The following KDM4C variants were observed in gnomAD, a reference collection of about 807,000 sequenced individuals.
The protein encoded by KDM4C is lysine demethylase 4C.
A neutral mutation model predicts 129.3 loss-of-function variants in KDM4C; 81 were observed. The observed-to-expected ratio is 0.63, with a 90% CI of 0.52 to 0.75. The LOEUF is 0.75. Among genes scored for constraint, KDM4C ranks in the 30% least tolerant of loss-of-function variants. The pLI, the probability that KDM4C is intolerant of heterozygous loss-of-function variation, is 0.00. For missense variants in KDM4C, 1,457 were observed against 1,304.0 expected, an observed-to-expected ratio of 1.12 and a Z score of -1.81; for synonymous variants, 573 against 456.1, an observed-to-expected ratio of 1.26 and a Z score of -3.26.
chr9:7,100,633 C>G (rs1371435502), intron 17 of KDM4C, among the ~76,000 whole-genome samples: 5 of 152,228 alleles, frequency 3.3e-5, no homozygotes, highest in Non-Finnish European at 5.9e-5. Flanking sequence ...AGCCACCACT[C>G]TCAGCCTAAA....
intron 17 of KDM4C, among the ~76,000 whole-genome samples, chr9:7,065,529 C>G (rs1021406148): frequency 6.6e-6 from 1 of 152,018 alleles, no homozygotes; most frequent in Non-Finnish European, 1.5e-5. Flanking sequence ...TACTAAATAG[C>G]AGACATATTT....
At chr9:6,871,930 A>G (rs1390787173) in intron 5 of KDM4C, among the ~76,000 whole-genome samples, 1 of 152,210 alleles carries the variant, frequency 6.6e-6, no homozygotes, top group East Asian at 1.9e-4. Context: ...ATAATATACA[A>G]TTGAAGGGCT....
chr9:7,017,747 A>G (rs1405262264), intron 15 of KDM4C, among the ~76,000 whole-genome samples: 1 of 152,158 alleles, frequency 6.6e-6, no homozygotes, highest in Non-Finnish European at 1.5e-5. Flanking sequence ...TTCCTCAATG[A>G]TCTCTAATGA....
chr9:6,773,492 C>A (rs1450814662), intron 1 of KDM4C, among the ~76,000 whole-genome samples: 2 of 152,082 alleles, frequency 1.3e-5, no homozygotes, highest in Non-Finnish European at 2.9e-5. Flanking sequence ...TATTCATAGG[C>A]CAGGCGTGGT....
At chr9:6,908,901 G>T (rs1398722878) in intron 8 of KDM4C, among the ~76,000 whole-genome samples, 2 of 152,136 alleles carry the variant, frequency 1.3e-5, no homozygotes, top group Non-Finnish European at 2.9e-5. Context: ...AACTCCTGGA[G>T]TAGTGACTGA....
intron 17 of KDM4C, among the ~76,000 whole-genome samples, chr9:7,068,943 T>G (rs1832826591): frequency 6.6e-6 from 1 of 151,970 alleles, no homozygotes. Flanking sequence ...GTGATCCACC[T>G]GCCTCAGCCT....
intron 2 of KDM4C, among the ~76,000 whole-genome samples, chr9:6,801,657 C>T (rs1231656855): frequency 1.3e-5 from 2 of 152,070 alleles, no homozygotes; most frequent in Non-Finnish European, 1.5e-5. Flanking sequence ...CTCTCTCTCT[C>T]TCTGTATATG....
chr9:6,808,459 G>A (rs1830535524), intron 3 of KDM4C, among the ~76,000 whole-genome samples: 1 of 131,088 alleles, frequency 7.6e-6, no homozygotes, highest in Non-Finnish European at 1.6e-5. Flanking sequence ...TAAGGGCGGT[G>A]CAAGATGTGC....
At chr9:7,166,684 A>G (rs1442794085) in intron 20 of KDM4C, among the ~76,000 whole-genome samples, 1 of 152,212 alleles carries the variant, frequency 6.6e-6, no homozygotes, top group Non-Finnish European at 1.5e-5. Context: ...TTAATTAAAT[A>G]ATAAGTGCAA....
intron 8 of KDM4C, among the ~76,000 whole-genome samples, chr9:6,952,093 T>G (rs1356788405): frequency 6.6e-6 from 1 of 151,212 alleles, no homozygotes; most frequent in East Asian, 1.9e-4. Context: ...GTAAACTGAT[T>G]TAATCTTTAT....
At chr9:7,094,240 G>T (rs1055952760) in intron 17 of KDM4C, among the ~76,000 whole-genome samples, 1 of 152,244 alleles carries the variant, frequency 6.6e-6, no homozygotes, top group African/African-American at 2.4e-5. Context: ...ACAGTGCAAA[G>T]CCACATGGTG....
At chr9:6,776,719 C>T (rs1319741293) in intron 1 of KDM4C, among the ~76,000 whole-genome samples, 3 of 151,026 alleles carry the variant, frequency 2.0e-5, no homozygotes, top group African/African-American at 4.9e-5. Context: ...ATTCTTGTCT[C>T]AGCCTCCGAG....
At position 6,778,789 on chromosome 9, in the gene KDM4C, C is replaced by T. The variant is rs572823448; in HGVS notation, c.-17-14183C>T. On this transcript the variant is annotated intron_variant, in intron 1 of 21. Coordinates refer to ENST00000381309, the MANE Select transcript of KDM4C (RefSeq NM_015061.6). ...GTCACAGTGTTACATTTGTGAGATT[C>T]GTCTATCTAGGTGGAGATTTGGTGC... Among the ~76,000 whole-genome samples, 7 of 146,814 alleles carry T rather than the reference C, an allele frequency of 4.8e-5. No homozygotes were observed. In the East Asian group the frequency reaches 8.1e-4, roughly 17 times the overall value.
rs765597202 is a variant in KDM4C, at chr9:6,986,388, G to A, written c.1399G>A (p.Glu467Lys). 1 of 1,613,566 alleles carries A rather than the reference G, an allele frequency of 6.2e-7. No homozygotes were observed. Among genetic ancestry groups the A allele is most frequent in the South Asian group, 1.1e-5 (1 of 91,032 alleles). The part of the protein sequence containing the change: ...STSVTEDIKT[E>K]DDKAYAYRSV... ...ATCTGTAACAGAAGACATAAAAACT[G>A]AGGATGACAAAGCTTATGCATATAG... Residue 467 changes from glutamate to lysine, a missense_variant, in exon 11 of 22, where the codon GAG (glutamate) becomes AAG (lysine). Physicochemically the swap from Glu to Lys is moderately conservative, Grantham distance 56 (BLOSUM62 1). Transcript: ENST00000381309.
intron 8 of KDM4C, among the ~76,000 whole-genome samples, chr9:6,927,950 G>A (rs995424013): frequency 8.6e-5 from 13 of 152,038 alleles, no homozygotes; most frequent in African/African-American, 3.1e-4. Context: ...TGAACTTTTG[G>A]TATCATCCTA....
chr9:6,886,451 T>C (rs1303454698), intron 6 of KDM4C, among the ~76,000 whole-genome samples: 1 of 151,486 alleles, frequency 6.6e-6, no homozygotes, highest in Non-Finnish European at 1.5e-5. Flanking sequence ...CAGCTAGGAC[T>C]ACAGGCACGC....
At chr9:6,837,878 C>G (rs1490784589) in intron 4 of KDM4C, among the ~76,000 whole-genome samples, 4 of 151,612 alleles carry the variant, frequency 2.6e-5, no homozygotes, top group African/African-American at 9.7e-5. Context: ...TTTTGTATTT[C>G]TCATTGTTCC....
At chr9:6,964,781 CAAAAA>C (rs369795659) in intron 8 of KDM4C, among the ~76,000 whole-genome samples, 1 of 53,856 alleles carries the variant, frequency 1.9e-5, no homozygotes, top group African/African-American at 7.0e-5. Context: ...GACTCCGTCT[CAAAAA>C]AAAAAAAAAA....
intron 21 of KDM4C, 24 bp downstream of exon 21, chr9:7,169,914 G>C: frequency 6.2e-7 from 1 of 1,613,540 alleles, no homozygotes. Context: ...GATGCCACTT[G>C]GGGACCTGCC....
Sources: gnomAD v4.1 joint callset for allele counts (sites outside exome capture counted in the v4.1 genomes callset) on GRCh38, gnomAD v4.1.1 for gene constraint, MANE v1.5 for transcripts, NCBI Gene and HGNC (gene_info 2026-07-23, HGNC 2026-07-21) for gene names.